Variants in FMNL2 observed in about 807,000 individuals in gnomAD.
FMNL2 encodes the protein formin like 2.
Under a neutral mutation model 130.2 loss-of-function variants are expected in FMNL2, and 51 were observed. That is an observed-to-expected ratio of 0.39 (90% confidence interval 0.31 to 0.49). The LOEUF (loss-of-function observed/expected upper bound fraction) is 0.49, where lower values mean the gene tolerates loss of function less well. Among genes scored for constraint, FMNL2 ranks in the 20% least tolerant of loss-of-function variants. The pLI is 0.85. For missense variants in FMNL2, 977 were observed against 1,316.2 expected, an observed-to-expected ratio of 0.74 and a Z score of 3.99; for synonymous variants, 465 against 467.1, an observed-to-expected ratio of 1.00 and a Z score of 0.06.
At chr2:152,369,170 A>C (rs937556381) in intron 1 of FMNL2, among the ~76,000 whole-genome samples, 9 of 152,244 alleles carry the variant, frequency 5.9e-5, no homozygotes, top group African/African-American at 2.2e-4. Flanking sequence ...GCAGTGTCAA[A>C]ACATTAAAAG....
intron 1 of FMNL2, among the ~76,000 whole-genome samples, chr2:152,434,885 TG>T (rs2106104899): frequency 6.6e-6 from 1 of 152,208 alleles, no homozygotes; most frequent in South Asian, 2.1e-4. Context: ...TACTAATCCC[TG>T]GGATGGCCCC....
intron 2 of FMNL2, among the ~76,000 whole-genome samples, chr2:152,530,377 C>T (rs1693621812): frequency 1.3e-5 from 2 of 152,140 alleles, no homozygotes; most frequent in African/African-American, 4.8e-5. Context: ...CACACACACA[C>T]AGTCAAAGGG....
At chr2:152,449,176 T>C (rs1688508051) in intron 1 of FMNL2, among the ~76,000 whole-genome samples, 1 of 152,224 alleles carries the variant, frequency 6.6e-6, no homozygotes, top group African/African-American at 2.4e-5. Flanking sequence ...CACTTCTTCC[T>C]TCTTTCTCCC....
At chr2:152,523,182 C>T (rs1254938031) in intron 2 of FMNL2, among the ~76,000 whole-genome samples, 1 of 151,962 alleles carries the variant, frequency 6.6e-6, no homozygotes, top group African/African-American at 2.4e-5. Context: ...CCAAAAGAAA[C>T]TATATAAATA....
rs114314174 is a variant in FMNL2 at position 152,545,461 on chromosome 2, A to T, written c.282+2642A>T. 1.6e-3 allele frequency among the ~76,000 whole-genome samples: 246 copies of T among 152,272 alleles called. 2 individuals carry two copies. The highest frequency in any genetic ancestry group is 5.7e-3 in the African/African-American group (235 of 41,552). On this transcript the variant is annotated intron_variant, in intron 3 of 25. Coordinates refer to ENST00000288670, the MANE Select transcript of FMNL2 (RefSeq NM_052905.4). ...CATTTTCTATTTAGATTTTCTTCTA[A>T]ATAGTTTTAAATGAAACCTCTCGGG...
At position 152,640,913 on chromosome 2, in the gene FMNL2, A is replaced by C. The variant is rs752689253; in HGVS notation, c.3168A>C (p.Thr1056=). ...GKDGAIEDII[T]DLRNQPYRRA... ...ATGGTGCCATTGAAGATATTATCAC[A>C]GGTAAAAGATATTTCTTCACTGTGG... The change falls in exon 25 of 26, where the codon ACA becomes ACC. Residue 1056 remains threonine (T), a splice_region_variant and synonymous_variant. Coordinates refer to ENST00000288670, the MANE Select transcript of FMNL2 (RefSeq NM_052905.4). The C allele has an allele frequency of 6.2e-7, 1 of 1,613,558 alleles. No individual in the cohort carries two copies. Among genetic ancestry groups the C allele is most frequent in the Non-Finnish European group, 8.5e-7 (1 of 1,179,588 alleles).
intron 4 of FMNL2, 72 bp from the exon 5 acceptor site, chr2:152,558,668 G>A: frequency 7.2e-7 from 1 of 1,397,138 alleles, no homozygotes; most frequent in Non-Finnish European, 9.9e-7. Flanking sequence ...ACAAAACTTT[G>A]CATTGTGTCC....
chr2:152,354,505 A>G (rs1682680279), intron 1 of FMNL2, among the ~76,000 whole-genome samples: 1 of 152,108 alleles, frequency 6.6e-6, no homozygotes, highest in African/African-American at 2.4e-5. Flanking sequence ...CCCCTGCGTT[A>G]TTTTTTCCAG....
At chr2:152,590,168 G>C (rs1697353105) in intron 9 of FMNL2, among the ~76,000 whole-genome samples, 1 of 150,890 alleles carries the variant, frequency 6.6e-6, no homozygotes. Context: ...TTACAAGTGT[G>C]GGCCACCATG....
chr2:152,531,741 T>G (rs1441804258), intron 2 of FMNL2, among the ~76,000 whole-genome samples: 1 of 152,150 alleles, frequency 6.6e-6, no homozygotes, highest in Non-Finnish European at 1.5e-5. Context: ...ATTACAGGCG[T>G]GAACTACTGT....
chr2:152,584,061 C>G (rs1367358118), intron 9 of FMNL2, among the ~76,000 whole-genome samples: 5 of 151,804 alleles, frequency 3.3e-5, no homozygotes, highest in African/African-American at 1.2e-4. Flanking sequence ...CTAAAACATG[C>G]AATGCCGCTC....
chr2:152,559,260 TG>T (rs1276487694), intron 5 of FMNL2, among the ~76,000 whole-genome samples: 2 of 152,202 alleles, frequency 1.3e-5, no homozygotes. Context: ...CCAAACGTAG[TG>T]GCACTGGAGG....
At chr2:152,395,764 C>T (rs78254888) in intron 1 of FMNL2, among the ~76,000 whole-genome samples, 13,004 of 152,102 alleles carry the variant, frequency 0.085, 771 homozygotes, top group Admixed American at 0.22. Context: ...AAGCCTTTAA[C>T]GGAAGACAGT....
intron 21 of FMNL2, among the ~76,000 whole-genome samples, chr2:152,634,105 T>C (rs1237351616): frequency 6.6e-6 from 1 of 152,230 alleles, no homozygotes. Context: ...ACTGTGATTT[T>C]GGACCGTGAA....
At chr2:152,620,884 G>T (rs1432600073) in intron 15 of FMNL2, 1 of 963,230 alleles carries the variant, frequency 1.0e-6, no homozygotes, top group East Asian at 1.1e-4. Flanking sequence ...CAAGATTCCA[G>T]TTCACAGTAA....
chr2:152,430,855 A>G (rs1429770786), intron 1 of FMNL2, among the ~76,000 whole-genome samples: 1 of 145,576 alleles, frequency 6.9e-6, no homozygotes, highest in Non-Finnish European at 1.5e-5. Flanking sequence ...CCTGGGTGAC[A>G]GAGTGAGACT....
chr2:152,625,299 C>A, intron 15 of FMNL2, 139 bp from the exon 16 acceptor site: 1 of 987,396 alleles, frequency 1.0e-6, no homozygotes, highest in Non-Finnish European at 1.4e-6. Flanking sequence ...TGTTTTCCAG[C>A]TTTAAAAACC....
chr2:152,366,474 C>CCAA (rs75952772), intron 1 of FMNL2, among the ~76,000 whole-genome samples: 77,723 of 140,680 alleles, frequency 0.55, 23,977 homozygotes, highest in Middle Eastern at 0.75. Flanking sequence ...AAAATGTTTG[C>CCAA]CAACAACAAC....
At chr2:152,358,182 A>C (rs1682947430) in intron 1 of FMNL2, among the ~76,000 whole-genome samples, 3 of 151,704 alleles carry the variant, frequency 2.0e-5, no homozygotes, top group African/African-American at 7.3e-5. Flanking sequence ...CAGCTTTTGG[A>C]CTCTTAGATT....
Sources: gnomAD v4.1 joint callset for allele counts (sites outside exome capture counted in the v4.1 genomes callset) on GRCh38, gnomAD v4.1.1 for gene constraint, MANE v1.5 for transcripts, NCBI Gene and HGNC (gene_info 2026-07-23, HGNC 2026-07-21) for gene names.